KIN: variants seen among roughly 807,000 people sequenced by gnomAD.
KIN encodes the protein DNA/RNA-binding protein KIN17.
In KIN, 47 loss-of-function variants were observed where a neutral mutation model predicts 63.0. The ratio of observed to expected loss-of-function variants is 0.75; its 90% CI spans 0.59 to 0.95. KIN has a LOEUF of 0.95. Ranked by LOEUF, KIN falls within the 40% of genes least tolerant of loss-of-function variation. The pLI is 0.00. For missense variants in KIN, 408 were observed against 460.9 expected (o/e 0.89, Z 1.05); for synonymous variants, 160 against 157.7 (o/e 1.01, Z -0.11).
intron 5 of KIN, among the ~76,000 whole-genome samples, chr10:7,777,653 T>C (rs1171080774): frequency 6.6e-6 from 1 of 152,052 alleles, no homozygotes; most frequent in Non-Finnish European, 1.5e-5. Flanking sequence ...ATCTCAGCAT[T>C]TTGGGAGGCC....
At chr10:7,757,606 G>A (rs1230614769) in intron 12 of KIN, among the ~76,000 whole-genome samples, 1 of 151,948 alleles carries the variant, frequency 6.6e-6, no homozygotes, top group Non-Finnish European at 1.5e-5. Context: ...TGACAATAAT[G>A]ATGATGACAA....
chr10:7,776,374 C>G (rs1835772418), intron 5 of KIN, among the ~76,000 whole-genome samples: 1 of 149,256 alleles, frequency 6.7e-6, no homozygotes, highest in Non-Finnish European at 1.5e-5. Context: ...AACCCTGTCT[C>G]TACTAAAAAT....
In KIN at chr10:7,754,323, A is replaced by C; in HGVS notation, c.*1757T>G. On this transcript the variant is annotated 3_prime_UTR_variant, in exon 13 of 13. Transcript: ENST00000379562. ...GCACTCCAGGCTGGATGACAGAGCA[A>C]GACCCTATCTCAAAAAACAGAACAA... 1 of 305,898 alleles carries C rather than the reference A, an allele frequency of 3.3e-6. No individual in the cohort carries two copies. Among genetic ancestry groups the C allele is most frequent in the Non-Finnish European group, 6.5e-6 (1 of 153,060 alleles). The allele number at this position is 305,898 out of a possible 1,614,324, so 18.9% of individuals were successfully genotyped here. A position where few individuals can be genotyped will look rare whatever the true frequency, so the allele number is the denominator to read the frequency against.
intron 2 of KIN, among the ~76,000 whole-genome samples, chr10:7,782,401 A>AT (rs374027414): frequency 0.34 from 48,193 of 141,736 alleles, 8,249 homozygotes; most frequent in East Asian, 0.49. Context: ...TTTTAGTGCC[A>AT]TTTTTTTTTT....
intron 11 of KIN, among the ~76,000 whole-genome samples, chr10:7,762,253 T>C (rs1588471830): frequency 6.7e-6 from 1 of 148,982 alleles, no homozygotes; most frequent in African/African-American, 2.5e-5. Flanking sequence ...GAAAGGAAAA[T>C]CCATTGATGC....
At chr10:7,784,287 T>C (rs1835954976) in intron 1 of KIN, among the ~76,000 whole-genome samples, 1 of 152,132 alleles carries the variant, frequency 6.6e-6, no homozygotes, top group Non-Finnish European at 1.5e-5. Flanking sequence ...CATCTCAGTT[T>C]AACATTTAAG....
At chr10:7,764,414 A>AT (rs1174510186) in intron 9 of KIN, among the ~76,000 whole-genome samples, 1 of 152,068 alleles carries the variant, frequency 6.6e-6, no homozygotes, top group East Asian at 1.9e-4. Flanking sequence ...CTTCTTTACC[A>AT]TTTTTTCCTG....
At position 7,752,918 on chromosome 10, in the gene KIN, G is replaced by C. The variant is rs549512333; in HGVS notation, c.*3162C>G. The C allele has an allele frequency of 8.5e-5, 13 of 152,196 alleles. No individual in the cohort carries two copies. Among genetic ancestry groups the C allele is most frequent in the Admixed American group, 2.6e-4 (4 of 15,270 alleles). 9.4% of individuals were successfully genotyped at this position (152,196 alleles called of 1,614,324 possible). A position where few individuals can be genotyped will look rare whatever the true frequency, so the allele number is the denominator to read the frequency against. On this transcript the variant is annotated 3_prime_UTR_variant, in exon 13 of 13. Transcript: ENST00000379562. ...AAGATCAGCGGTCAGCAGGGATTTGGGGGGAGACAGGGAACAGACAGAACA... is the reference window on the plus strand; with the variant it reads ...AAGATCAGCGGTCAGCAGGGATTTGCGGGGAGACAGGGAACAGACAGAACA...
At chr10:7,767,865 CAAA>C (rs59238687) in intron 8 of KIN, among the ~76,000 whole-genome samples, 27 of 69,086 alleles carry the variant, frequency 3.9e-4, no homozygotes, top group African/African-American at 1.1e-3. Context: ...GACTCCGTCT[CAAA>C]AAAAAAAAAA....
chr10:7,761,721 G>C (rs1215839176), intron 11 of KIN, among the ~76,000 whole-genome samples: 1 of 152,182 alleles, frequency 6.6e-6, no homozygotes, highest in Non-Finnish European at 1.5e-5. Context: ...CATAAATGAG[G>C]ATGAGTATGG....
Position 7,787,813 on chromosome 10 carries a change from C to G in KIN, c.114+7G>C. The G allele has an allele frequency of 1.9e-6, 3 of 1,603,056 alleles. No individual in the cohort carries two copies. The South Asian group carries it at 3.3e-5, about 18-fold the overall frequency. ...TGGGAAGACGGGGCCACTCCGGGCC[C>G]ACTCACCTCGTCCCGGCACTGCTTC... On this transcript the variant is annotated splice_region_variant and intron_variant, in intron 1 of 12. Coordinates refer to ENST00000379562, the MANE Select transcript of KIN (RefSeq NM_012311.4).
intron 10 of KIN, 120 bp from the exon 11 acceptor site, chr10:7,762,676 C>T (rs1564315701): frequency 1.5e-5 from 8 of 536,452 alleles, no homozygotes; most frequent in Non-Finnish European, 2.3e-5. Flanking sequence ...GTAACTCCTT[C>T]TATAAATGAC....
Position 7,787,844 on chromosome 10 carries a change from CA to C in KIN, c.89del (p.Met30SerfsTer48), listed in dbSNP as rs1188631306. The C allele has an allele frequency of 1.2e-6, 2 of 1,614,052 alleles. No homozygotes were observed. The highest frequency in any genetic ancestry group is 1.7e-6 in the Non-Finnish European group (2 of 1,179,880). The stretch of plus-strand genomic sequence containing the variant: ...CCTCGTCCCGGCACTGCTTCTGGCA[CA>C]TCTGGCAATACCAGCGTAGCTTCTG... ...GLQKLRWYCQ[M>X]CQKQCRDENG... On this transcript the variant is annotated frameshift_variant, in exon 1 of 13. Transcript: ENST00000379562. LOFTEE classifies it high-confidence loss of function.
rs991079632 is a variant in KIN, at chr10:7,753,942, G to C, written c.*2138C>G. On this transcript the variant is annotated 3_prime_UTR_variant, in exon 13 of 13. Transcript: ENST00000379562. The stretch of plus-strand genomic sequence containing the variant: ...GTTAAAGAGAGAGATCCCAGGGTTT[G>C]GCACCATACCTGTGTCTGACGTCAG... 1 of 420,902 alleles carries C rather than the reference G, an allele frequency of 2.4e-6. No individual in the cohort carries two copies. The allele number at this position is 420,902 out of a possible 1,614,324, so 26.1% of individuals were successfully genotyped here.
chr10:7,763,838 G>T, intron 9 of KIN, 47 bp from the exon 10 acceptor site: 1 of 945,536 alleles, frequency 1.1e-6, no homozygotes, highest in Non-Finnish European at 1.6e-6. Flanking sequence ...AGAAGTTATC[G>T]TTTGTCATTT....
intron 3 of KIN, 42 bp downstream of exon 3, chr10:7,780,222 C>A (rs1564324363): frequency 6.2e-7 from 1 of 1,610,996 alleles, no homozygotes; most frequent in Non-Finnish European, 8.5e-7. Flanking sequence ...AAGATTATGC[C>A]ATTTATAAAG....
intron 5 of KIN, among the ~76,000 whole-genome samples, chr10:7,778,566 C>T (rs1334221150): frequency 1.3e-5 from 2 of 152,144 alleles, no homozygotes; most frequent in Admixed American, 6.5e-5. Flanking sequence ...TGGTGAAACC[C>T]TGTCTCTACT....
intron 11 of KIN, 109 bp downstream of exon 11, chr10:7,762,348 C>T: frequency 1.7e-6 from 1 of 580,592 alleles, no homozygotes; most frequent in Non-Finnish European, 3.0e-6. Context: ...GTTAATGCCG[C>T]CAAGACAGAA....
At chr10:7,779,632 T>A (rs10905229) in intron 4 of KIN, among the ~76,000 whole-genome samples, 63,134 of 152,016 alleles carry the variant, frequency 0.42, 13,469 homozygotes, top group East Asian at 0.71. Flanking sequence ...AACAATAGAG[T>A]ATAAAAACTA....
Sources: allele counts gnomAD v4.1 joint callset (sites outside exome capture counted in the v4.1 genomes callset), GRCh38; gene constraint gnomAD v4.1.1; transcripts MANE v1.5; gene names NCBI Gene and HGNC (gene_info 2026-07-23, HGNC 2026-07-21).